The following FAM193A variants were observed in gnomAD, a reference collection of about 807,000 sequenced individuals.
The protein encoded by FAM193A is family with sequence similarity 193 member A, also known as protein FAM193A.
In FAM193A, 22 loss-of-function variants were observed where a neutral mutation model predicts 126.5. That is an observed-to-expected ratio of 0.17 (90% CI 0.12 to 0.25). The LOEUF is 0.25. FAM193A is among the 10% of genes least tolerant of loss of function. The probability of loss-of-function intolerance (pLI) is 1.00; values close to 1 mark genes in which losing one functional copy is unlikely to be tolerated. For synonymous variants in FAM193A, 761 were observed against 646.8 expected (o/e 1.18, Z -2.68); for missense variants, 1,675 against 1,672.8 (o/e 1.00, Z -0.02).
intron 20 of FAM193A, among the ~76,000 whole-genome samples, chr4:2,718,340 A>T (rs1051971491): frequency 6.6e-6 from 1 of 152,144 alleles, no homozygotes; most frequent in Admixed American, 6.6e-5. Context: ...AAGAATTAAG[A>T]TGTTGATAAC....
rs1186113949 is a variant in FAM193A, at chr4:2,596,121, C to G, written c.293C>G (p.Pro98Arg). The change falls in exon 2 of 21, where the codon CCC becomes CGC. Residue 98 changes from proline to arginine, a missense_variant. By Grantham distance (103) the Pro-to-Arg change is moderately radical. Coordinates refer to ENST00000637812, the MANE Select transcript of FAM193A (RefSeq NM_001366318.2). ...FSFGMNHRTP[P>R]YPAGDYCLLC... ...TTTGGCATGAATCATAGGACACCAC[C>G]CTACCCTGCTGGGGATTATTGTCTT... The G allele has an allele frequency of 1.4e-6, 1 of 702,894 alleles. No homozygotes were observed. The highest frequency in any genetic ancestry group is 2.6e-6 in the Non-Finnish European group (1 of 384,994). 43.5% of individuals were successfully genotyped at this position (702,894 alleles called of 1,614,324 possible).
At position 2,653,061 on chromosome 4, in the gene FAM193A, G is replaced by T. The variant is rs549259713; in HGVS notation, c.1312-4742G>T. On this transcript the variant is annotated intron_variant, in intron 7 of 20. Transcript: ENST00000637812. ...CCTGCCCCTAAGAGCCTGGGGTGCTGTCCTTAGTTCCACATGTGATGGAAA... is the reference window on the plus strand; with the variant it reads ...CCTGCCCCTAAGAGCCTGGGGTGCTTTCCTTAGTTCCACATGTGATGGAAA... 5.3e-5 allele frequency among the ~76,000 whole-genome samples: 8 copies of T among 152,294 alleles called. No individual in the cohort carries two copies. The East Asian group carries it at 1.5e-3, about 29-fold the overall frequency.
chr4:2,715,979 C>A, intron 19 of FAM193A, 44 bp from the exon 20 acceptor site: 1 of 1,033,998 alleles, frequency 9.7e-7, no homozygotes, highest in Non-Finnish European at 1.5e-6. Context: ...GATAAGATAG[C>A]CTGCTGCTGT....
intron 15 of FAM193A, 65 bp from the exon 16 acceptor site, chr4:2,693,521 A>C (rs886275909): frequency 2.3e-5 from 34 of 1,495,104 alleles, no homozygotes; most frequent in Non-Finnish European, 3.0e-5. Flanking sequence ...GTTCTTTCAG[A>C]TTTTCTACAG....
chr4:2,648,966 C>G (rs1012288984), intron 7 of FAM193A, among the ~76,000 whole-genome samples: 1 of 152,256 alleles, frequency 6.6e-6, no homozygotes, highest in African/African-American at 2.4e-5. Context: ...TGTCCCGGAT[C>G]TGCCCCATGA....
intron 13 of FAM193A, among the ~76,000 whole-genome samples, chr4:2,684,177 G>A (rs932177652): frequency 1.3e-5 from 2 of 152,080 alleles, no homozygotes; most frequent in Admixed American, 1.3e-4. Context: ...TCAGCCTCTG[G>A]TGAGATTGTT....
At chr4:2,576,602 A>G (rs1445887022) in intron 1 of FAM193A, among the ~76,000 whole-genome samples, 5 of 152,164 alleles carry the variant, frequency 3.3e-5, no homozygotes, top group Non-Finnish European at 7.3e-5. Context: ...AGGCTGGAGA[A>G]CAATGATGCT....
intron 6 of FAM193A, among the ~76,000 whole-genome samples, chr4:2,643,173 A>G (rs1232069738): frequency 6.6e-6 from 1 of 152,176 alleles, no homozygotes; most frequent in East Asian, 1.9e-4. Flanking sequence ...ACGCCAGGAC[A>G]CGCCATGCCT....
chr4:2,629,470 T>A (rs1163509872), intron 4 of FAM193A, among the ~76,000 whole-genome samples: 1 of 152,260 alleles, frequency 6.6e-6, no homozygotes, highest in African/African-American at 2.4e-5. Flanking sequence ...CTACACTATT[T>A]TTTTAATCCA....
chr4:2,681,945 C>A (rs1715174525), intron 13 of FAM193A, among the ~76,000 whole-genome samples: 1 of 149,932 alleles, frequency 6.7e-6, no homozygotes, highest in South Asian at 2.1e-4. Context: ...TTGGTTGTTT[C>A]CATCCCTTTA....
chr4:2,684,102 A>G lies in FAM193A; in HGVS notation c.2332-5404A>G, dbSNP rs1311444943. On this transcript the variant is annotated intron_variant, in intron 13 of 20. Coordinates refer to ENST00000637812, the MANE Select transcript of FAM193A (RefSeq NM_001366318.2). ...GCCTTTGGCCTACCAATCATTTTCA[A>G]TTTCCTGTATGATAATTGCCATCCA... 6.6e-5 allele frequency among the ~76,000 whole-genome samples: 10 copies of G among 152,152 alleles called. No individual in the cohort carries two copies. The South Asian group carries it at 1.7e-3, about 25-fold the overall frequency.
intron 13 of FAM193A, among the ~76,000 whole-genome samples, chr4:2,677,062 C>G (rs1714496115): frequency 6.6e-6 from 1 of 152,192 alleles, no homozygotes; most frequent in African/African-American, 2.4e-5. Context: ...TCTGTTCTCT[C>G]CTAAGAGTTT....
intron 12 of FAM193A, among the ~76,000 whole-genome samples, chr4:2,671,904 A>ATGAGGTACACC (rs1713841820): frequency 6.6e-6 from 1 of 152,190 alleles, no homozygotes; most frequent in East Asian, 1.9e-4. Flanking sequence ...TGTCTGTGGA[A>ATGAGGTACACC]TGAGGTACAC....
intron 7 of FAM193A, 63 bp downstream of exon 7, chr4:2,646,895 C>T: frequency 6.7e-7 from 1 of 1,501,312 alleles, no homozygotes; most frequent in Non-Finnish European, 9.0e-7. Context: ...TTGAAGGCAG[C>T]ACCAAGTCAC....
intron 2 of FAM193A, among the ~76,000 whole-genome samples, chr4:2,600,555 A>G (rs533799455): frequency 1.3e-5 from 2 of 151,958 alleles, no homozygotes; most frequent in African/African-American, 2.4e-5. Context: ...TTCTTAGACT[A>G]CGTGTACCCT....
intron 1 of FAM193A, among the ~76,000 whole-genome samples, chr4:2,577,901 T>C (rs1452735540): frequency 2.0e-5 from 3 of 152,256 alleles, no homozygotes; most frequent in Non-Finnish European, 2.9e-5. Context: ...TTTGTTATAC[T>C]GTATAATCGT....
intron 7 of FAM193A, among the ~76,000 whole-genome samples, chr4:2,650,340 C>T (rs1475620294): frequency 6.6e-6 from 1 of 152,110 alleles, no homozygotes; most frequent in Non-Finnish European, 1.5e-5. Context: ...ATTGAGAGCA[C>T]AGAAGGAGGG....
At chr4:2,590,793 C>T (rs942309541) in intron 1 of FAM193A, among the ~76,000 whole-genome samples, 20 of 151,730 alleles carry the variant, frequency 1.3e-4, no homozygotes, top group South Asian at 6.3e-4. Flanking sequence ...TGTGAGAGGC[C>T]GAGGCGGGTG....
chr4:2,577,337 C>G (rs1041894175), intron 1 of FAM193A, among the ~76,000 whole-genome samples: 2 of 150,092 alleles, frequency 1.3e-5, no homozygotes, highest in African/African-American at 4.9e-5. Context: ...CTGGAAATTT[C>G]TTTGTCGTCA....
Sources: allele counts gnomAD v4.1 joint callset (sites outside exome capture counted in the v4.1 genomes callset), GRCh38; gene constraint gnomAD v4.1.1; transcripts MANE v1.5; gene names NCBI Gene and HGNC (gene_info 2026-07-23, HGNC 2026-07-21).